The following MFAP3L variants were observed in gnomAD, a reference collection of about 807,000 sequenced individuals.
The protein encoded by MFAP3L is microfibril associated protein 3 like.
MFAP3L carries 5 observed loss-of-function variants against 20.0 expected under a neutral mutation model. That is an observed-to-expected ratio of 0.25 (90% CI 0.13 to 0.53). The LOEUF is 0.53. Ranked by LOEUF, MFAP3L falls within the 20% of genes least tolerant of loss-of-function variation. The pLI is 0.96. For synonymous variants in MFAP3L, 219 were observed against 213.0 expected, an observed-to-expected ratio of 1.03 and a Z score of -0.25; for missense variants, 409 against 527.5, an observed-to-expected ratio of 0.78 and a Z score of 2.20.
chr4:170,026,145 G>A (rs1265717925), intron 1 of MFAP3L, 89 bp downstream of exon 1: 92 of 777,730 alleles, frequency 1.2e-4, no homozygotes, highest in Non-Finnish European at 1.4e-4. Context: ...AAGTTCGGCG[G>A]CCCCGGCGCC....
intron 1 of MFAP3L, among the ~76,000 whole-genome samples, chr4:170,010,491 CTA>C (rs1307651418): frequency 6.6e-6 from 1 of 152,056 alleles, no homozygotes; most frequent in African/African-American, 2.4e-5. Flanking sequence ...CATCCACCAC[CTA>C]TGAGACAGCA....
At chr4:169,993,199 C>T in intron 2 of MFAP3L, among the ~76,000 whole-genome samples, 1 of 152,158 alleles carries the variant, frequency 6.6e-6, no homozygotes, top group East Asian at 1.9e-4. Context: ...AGGTCAAAGA[C>T]CCCTGTGAAA....
intron 2 of MFAP3L, among the ~76,000 whole-genome samples, chr4:170,003,400 C>T (rs1411106566): frequency 6.6e-6 from 1 of 152,118 alleles, no homozygotes; most frequent in Non-Finnish European, 1.5e-5. Flanking sequence ...CCAAATATAA[C>T]TACCAACTAG....
chr4:170,015,937 G>A (rs149650182), intron 1 of MFAP3L, among the ~76,000 whole-genome samples: 6 of 152,212 alleles, frequency 3.9e-5, no homozygotes, highest in East Asian at 1.9e-4. Context: ...ACCAAGGCCC[G>A]TGTCTTTGGG....
intron 1 of MFAP3L, among the ~76,000 whole-genome samples, chr4:170,017,726 C>T (rs1335017654): frequency 6.6e-6 from 1 of 152,198 alleles, no homozygotes; most frequent in Non-Finnish European, 1.5e-5. Flanking sequence ...TAAGATCAGT[C>T]TTCCACCTAA....
At chr4:170,018,081 C>A (rs1739809921) in intron 1 of MFAP3L, among the ~76,000 whole-genome samples, 1 of 152,240 alleles carries the variant, frequency 6.6e-6, no homozygotes, top group Middle Eastern at 3.4e-3. Flanking sequence ...CTTGGTGACA[C>A]CTGCATACAA....
At chr4:169,994,485 T>C (rs1737987369) in intron 2 of MFAP3L, 1 of 978,650 alleles carries the variant, frequency 1.0e-6, no homozygotes, top group Non-Finnish European at 1.2e-6. Context: ...AAATAAAATG[T>C]GAAAATACTA....
At chr4:169,994,658 T>C in intron 2 of MFAP3L, 4 of 598,102 alleles carry the variant, frequency 6.7e-6, no homozygotes, top group Non-Finnish European at 8.4e-6. Context: ...CTTCAAACAT[T>C]TCTTGTGACA....
intron 1 of MFAP3L, among the ~76,000 whole-genome samples, chr4:170,009,048 C>G (rs1308478989): frequency 6.6e-6 from 1 of 152,092 alleles, no homozygotes; most frequent in Non-Finnish European, 1.5e-5. Flanking sequence ...GCAAATGTAC[C>G]TTTTCAGCTT....
At chr4:170,027,010 C>T (rs1730490623), upstream of MFAP3L, 2 of 152,108 alleles carry the variant, frequency 1.3e-5, no homozygotes, top group Non-Finnish European at 2.9e-5. Flanking sequence ...CCCAGCGGGC[C>T]GTTCCCTGGT....
At chr4:170,026,440 G>A (rs996112007), upstream of MFAP3L, 4 of 294,424 alleles carry the variant, frequency 1.4e-5, no homozygotes, top group African/African-American at 4.6e-5. Context: ...TGGGCCGGCC[G>A]GGGCCGAGCA....
At chr4:170,001,856 G>C in intron 2 of MFAP3L, 1 of 879,450 alleles carries the variant, frequency 1.1e-6, no homozygotes, top group Non-Finnish European at 1.4e-6. Flanking sequence ...GAATTGAAGT[G>C]ACAGCACCAG....
In MFAP3L at chr4:169,989,427, T is replaced by C. The variant is rs1271904616; in HGVS notation, c.*1951A>G. On this transcript the variant is annotated 3_prime_UTR_variant, in exon 3 of 3. Coordinates refer to ENST00000361618, the MANE Select transcript of MFAP3L (RefSeq NM_021647.8). Reference sequence around the variant, plus strand: ...CAATTACAGAGCCAGATAATGTTTGTTGTAAAGTTTGGATGGCAAAAGTAT... The same window carrying C: ...CAATTACAGAGCCAGATAATGTTTGCTGTAAAGTTTGGATGGCAAAAGTAT... 3.9e-5 allele frequency: 6 copies of C among 152,240 alleles called. No individual in the cohort carries two copies. The highest frequency in any genetic ancestry group is 2.6e-4 in the Admixed American group (4 of 15,276). The allele number at this position is 152,240 out of a possible 1,614,324, so 9.4% of individuals were successfully genotyped here. A position where few individuals can be genotyped will look rare whatever the true frequency, so the allele number is the denominator to read the frequency against.
intron 1 of MFAP3L, among the ~76,000 whole-genome samples, chr4:170,023,187 G>A (rs114803202): frequency 0.015 from 2,269 of 152,090 alleles, 56 homozygotes; most frequent in African/African-American, 0.052. Context: ...TCATTTCCCC[G>A]CCTCCTCAGT....
At position 169,987,141 on chromosome 4, in the gene MFAP3L, T is replaced by C. The variant is rs1036423468; in HGVS notation, c.*4237A>G. 1.6e-4 allele frequency: 25 copies of C among 152,296 alleles called. No homozygotes were observed. Among genetic ancestry groups the C allele is most frequent in the African/African-American group, 5.8e-4 (24 of 41,570 alleles). The allele number at this position is 152,296 out of a possible 1,614,324, so 9.4% of individuals were successfully genotyped here. On this transcript the variant is annotated 3_prime_UTR_variant, in exon 3 of 3. Coordinates refer to ENST00000361618, the MANE Select transcript of MFAP3L (RefSeq NM_021647.8). Reference sequence around the variant, plus strand: ...TGGAAAATATAATAAGCAATTGTTTTATTTGATTTTTCCCCCACAATTGAT... The same window carrying C: ...TGGAAAATATAATAAGCAATTGTTTCATTTGATTTTTCCCCCACAATTGAT...
chr4:169,991,280 A>T lies in MFAP3L; in HGVS notation c.*98T>A. 2 of 1,269,538 alleles carry T rather than the reference A, an allele frequency of 1.6e-6. No homozygotes were observed. Among genetic ancestry groups the T allele is most frequent in the South Asian group, 2.9e-5 (2 of 69,186 alleles). The allele number at this position is 1,269,538 out of a possible 1,614,324, so 78.6% of individuals were successfully genotyped here. A position where few individuals can be genotyped will look rare whatever the true frequency, so the allele number is the denominator to read the frequency against. ...GCATCACTCCTACCTAAGGGATGAGAGTCTCCTGGTAAGGCTTAGCGGCAA... is the reference window on the plus strand; with the variant it reads ...GCATCACTCCTACCTAAGGGATGAGTGTCTCCTGGTAAGGCTTAGCGGCAA... On this transcript the variant is annotated 3_prime_UTR_variant, in exon 3 of 3. Coordinates refer to ENST00000361618, the MANE Select transcript of MFAP3L (RefSeq NM_021647.8). The surrounding 1 kb of genome is among the most constrained non-coding windows in gnomAD (Gnocchi z 4.9).
intron 1 of MFAP3L, among the ~76,000 whole-genome samples, chr4:170,020,798 G>C (rs546197628): frequency 2.0e-5 from 3 of 151,870 alleles, no homozygotes; most frequent in Non-Finnish European, 4.4e-5. Context: ...TGAGGTCTTG[G>C]TTCAAAAGCC....
intron 2 of MFAP3L, among the ~76,000 whole-genome samples, chr4:169,995,853 A>G (rs1738115253): frequency 6.6e-6 from 1 of 152,216 alleles, no homozygotes; most frequent in Admixed American, 6.5e-5. Context: ...TGTCAGTAGC[A>G]GATGCCAGGT....
Position 169,990,059 on chromosome 4 carries a change from G to A in MFAP3L, c.*1319C>T, listed in dbSNP as rs375942003. On this transcript the variant is annotated 3_prime_UTR_variant, in exon 3 of 3. Coordinates refer to ENST00000361618, the MANE Select transcript of MFAP3L (RefSeq NM_021647.8). ...GTGACAGTGATACCATTTCAACAGT[G>A]CTCAGAGCTCATGTCATCTGCCCCT... is the stretch of plus-strand genomic sequence containing the variant. 35 of 152,244 alleles carry A rather than the reference G, an allele frequency of 2.3e-4. 1 individual carries two copies. Among genetic ancestry groups the A allele is most frequent in the East Asian group, 9.6e-4 (5 of 5,204 alleles). 9.4% of individuals were successfully genotyped at this position (152,244 alleles called of 1,614,324 possible). A position where few individuals can be genotyped will look rare whatever the true frequency, so the allele number is the denominator to read the frequency against.
Sources: allele counts gnomAD v4.1 joint callset (sites outside exome capture counted in the v4.1 genomes callset), GRCh38; gene constraint gnomAD v4.1.1; non-coding constraint Gnocchi (gnomAD v3.1); transcripts MANE v1.5; gene names NCBI Gene and HGNC (gene_info 2026-07-23, HGNC 2026-07-21).